Variants in AFF1 observed in about 807,000 individuals in gnomAD.
The protein encoded by AFF1 is AF4/FMR2 family member 1.
AFF1 carries 48 observed loss-of-function variants against 121.7 expected under a neutral mutation model. That is an observed-to-expected ratio of 0.39 (90% CI 0.31 to 0.50). AFF1 has a LOEUF of 0.50. AFF1 is among the 20% of genes least tolerant of loss of function. AFF1 has a pLI of 0.76. For synonymous variants in AFF1, 613 were observed against 563.0 expected (o/e 1.09, Z -1.26); for missense variants, 1,523 against 1,511.7 (o/e 1.01, Z -0.12).
chr4:87,056,898 T>C (rs1300667583), intron 4 of AFF1, among the ~76,000 whole-genome samples: 5 of 152,184 alleles, frequency 3.3e-5, no homozygotes, highest in African/African-American at 7.2e-5. Flanking sequence ...GATGATCCCA[T>C]GTGGTAGGGT....
intron 16 of AFF1, among the ~76,000 whole-genome samples, chr4:87,129,646 C>T (rs1384778193): frequency 1.3e-5 from 2 of 152,110 alleles, no homozygotes; most frequent in Non-Finnish European, 2.9e-5. Flanking sequence ...CTAATCTGAG[C>T]CTCGGTTCTC....
intron 7 of AFF1, among the ~76,000 whole-genome samples, chr4:87,092,695 C>T (rs1423362181): frequency 6.6e-6 from 1 of 152,040 alleles, no homozygotes; most frequent in African/African-American, 2.4e-5. Flanking sequence ...TTTGCTGTTC[C>T]CTGCTGTAGA....
chr4:86,942,802 T>G (rs1720563043), intron 1 of AFF1, among the ~76,000 whole-genome samples: 1 of 152,216 alleles, frequency 6.6e-6, no homozygotes, highest in Non-Finnish European at 1.5e-5. Flanking sequence ...ATGGCAAGCA[T>G]GAAGACAACA....
chr4:87,018,790 T>C (rs76456240), intron 2 of AFF1, among the ~76,000 whole-genome samples: 5,904 of 152,288 alleles, frequency 0.039, 197 homozygotes, highest in African/African-American at 0.092. Context: ...AAATAGAGAC[T>C]ATAGTTTCTA....
rs569657660 is a variant in AFF1, at chr4:87,054,902, C to T, written c.1059+7308C>T. On this transcript the variant is annotated intron_variant, in intron 4 of 20. Transcript: ENST00000395146. ...GCTTGTTTTCTTTCTTTCTCCCTACCGCCCCCCACACTTTTAGCCAGTATT... is the reference window on the plus strand; with the variant it reads ...GCTTGTTTTCTTTCTTTCTCCCTACTGCCCCCCACACTTTTAGCCAGTATT... Among the ~76,000 whole-genome samples the T allele has an allele frequency of 5.3e-5, 8 of 152,236 alleles. No individual in the cohort carries two copies. The South Asian group carries it at 8.3e-4, about 16-fold the overall frequency.
At chr4:87,103,112 A>G (rs1411251335) in intron 8 of AFF1, among the ~76,000 whole-genome samples, 3 of 152,242 alleles carry the variant, frequency 2.0e-5, no homozygotes, top group African/African-American at 4.8e-5. Flanking sequence ...AGCATAACTT[A>G]GTTATGACTT....
At chr4:87,007,532 G>A (rs1329603262) in intron 2 of AFF1, 6 of 1,431,914 alleles carry the variant, frequency 4.2e-6, no homozygotes, top group South Asian at 1.2e-5. Flanking sequence ...AAGCAGCTTT[G>A]TCATTGCCTT....
At chr4:86,950,457 G>A (rs1370369536) in intron 2 of AFF1, among the ~76,000 whole-genome samples, 2 of 152,176 alleles carry the variant, frequency 1.3e-5, no homozygotes, top group African/African-American at 2.4e-5. Flanking sequence ...GGCGTGAGCC[G>A]CTGTGCCCAG....
chr4:87,124,951 C>G (rs763890187), intron 12 of AFF1, 86 bp from the exon 13 acceptor site: 247 of 1,174,436 alleles, frequency 2.1e-4, no homozygotes, highest in Non-Finnish European at 2.8e-4. Context: ...TTCCTTTACC[C>G]TCTTTGCCTT....
intron 4 of AFF1, among the ~76,000 whole-genome samples, chr4:87,080,487 G>C (rs1408224003): frequency 1.3e-5 from 2 of 152,192 alleles, no homozygotes; most frequent in South Asian, 4.1e-4. Context: ...GCTCCTTTTA[G>C]TAGGAGTAGC....
In AFF1 at chr4:86,971,002, T is replaced by C. The variant is rs574474356; in HGVS notation, c.38+22431T>C. Among the ~76,000 whole-genome samples the C allele has an allele frequency of 3.9e-4, 59 of 152,228 alleles. No homozygotes were observed. In the South Asian group the frequency reaches 0.012, roughly 31 times the overall value. On this transcript the variant is annotated intron_variant, in intron 2 of 20. Coordinates refer to ENST00000395146, the MANE Select transcript of AFF1 (RefSeq NM_001166693.3). ...TTGTTGGAGTGAGAGAGAAAGCCATTTGAGGGTTCCATCAGAGGAGTAGCA... is the reference window on the plus strand; with the variant it reads ...TTGTTGGAGTGAGAGAGAAAGCCATCTGAGGGTTCCATCAGAGGAGTAGCA...
rs146819957 is a variant in AFF1, at chr4:87,008,957, T to A, written c.39-37209T>A. Among the ~76,000 whole-genome samples the A allele has an allele frequency of 1.9e-4, 29 of 150,700 alleles. No homozygotes were observed. The East Asian group carries it at 5.5e-3, about 29-fold the overall frequency. On this transcript the variant is annotated intron_variant, in intron 2 of 20. Transcript: ENST00000395146. ...TGTTATTGTCAGACTGCTACAGAGG[T>A]CCATGGCAGAAAATTAAGATTAAGA...
chr4:87,091,721 G>T (rs1724331762), intron 6 of AFF1, 72 bp from the exon 7 acceptor site: 2 of 1,056,726 alleles, frequency 1.9e-6, no homozygotes, highest in South Asian at 3.0e-5. Flanking sequence ...AATACTAAAA[G>T]CTCAACGGTT....
intron 1 of AFF1, among the ~76,000 whole-genome samples, chr4:86,941,589 T>G (rs1416538598): frequency 6.6e-6 from 1 of 151,702 alleles, no homozygotes; most frequent in African/African-American, 2.4e-5. Flanking sequence ...GGGGTGGAGG[T>G]TGCAGTGAGC....
chr4:87,098,963 G>A (rs1412938334), intron 8 of AFF1, among the ~76,000 whole-genome samples: 2 of 152,206 alleles, frequency 1.3e-5, no homozygotes, highest in Admixed American at 1.3e-4. Flanking sequence ...TTTTGGTAAA[G>A]AGCAAGGGAA....
Position 87,084,550 on chromosome 4 carries a change from CAATAAATAAATAAATAAATA to C in AFF1, c.1104+421_1104+440del, listed in dbSNP as rs58068934. Among the ~76,000 whole-genome samples, 585 of 136,950 alleles carry C rather than the reference CAATAAATAAATAAATAAATA, an allele frequency of 4.3e-3. 4 individuals carry two copies. Among genetic ancestry groups the C allele is most frequent in the African/African-American group, 0.011 (386 of 36,446 alleles). The allele number at this position is 136,950 out of a possible 152,430, so 89.8% of individuals were successfully genotyped here. On this transcript the variant is annotated intron_variant, in intron 5 of 20. Coordinates refer to ENST00000395146, the MANE Select transcript of AFF1 (RefSeq NM_001166693.3). Reference sequence around the variant, plus strand: ...GGCAACAGAGTTGAAACTATGTCTCCAATAAATAAATAAATAAATAAATAAATAAATAAATAAATAAATAA... The same window carrying C: ...GGCAACAGAGTTGAAACTATGTCTCCAATAAATAAATAAATAAATAAATAA...
At chr4:87,044,334 T>C (rs983404107) in intron 2 of AFF1, among the ~76,000 whole-genome samples, 3 of 152,218 alleles carry the variant, frequency 2.0e-5, no homozygotes, top group Admixed American at 2.0e-4. Context: ...TTTTTTAATC[T>C]AAAAGTATTT....
intron 8 of AFF1, among the ~76,000 whole-genome samples, chr4:87,099,923 A>G (rs1477869286): frequency 6.6e-6 from 1 of 152,186 alleles, no homozygotes; most frequent in Admixed American, 6.5e-5. Context: ...TGATAAGAGA[A>G]AGGCAGAGAC....
chr4:87,028,462 G>C (rs1157417960), intron 2 of AFF1, among the ~76,000 whole-genome samples: 1 of 151,920 alleles, frequency 6.6e-6, no homozygotes, highest in Non-Finnish European at 1.5e-5. Flanking sequence ...AAGATGATTA[G>C]AAGAAGAGTA....
Sources: allele counts gnomAD v4.1 joint callset (sites outside exome capture counted in the v4.1 genomes callset), GRCh38; gene constraint gnomAD v4.1.1; transcripts MANE v1.5; gene names NCBI Gene and HGNC (gene_info 2026-07-23, HGNC 2026-07-21).